The following PGPEP1L variants were observed in gnomAD, a reference collection of about 807,000 sequenced individuals.
The protein encoded by PGPEP1L is pyroglutamyl-peptidase 1-like protein.
Under a neutral mutation model 6.0 loss-of-function variants are expected in PGPEP1L, and 7 were observed. That is an observed-to-expected ratio of 1.17 (90% CI 0.66 to 2.19). PGPEP1L has a LOEUF of 2.19. Among genes scored for constraint, PGPEP1L ranks in the 30% most tolerant of loss-of-function variants. The pLI, the probability that PGPEP1L is intolerant of heterozygous loss-of-function variation, is 0.00. For synonymous variants in PGPEP1L, 103 were observed against 83.9 expected (o/e 1.23, Z -1.24); for missense variants, 209 against 192.5 (o/e 1.09, Z -0.51).
At chr15:98,986,114 G>A (rs2017743032) in intron 2 of PGPEP1L, among the ~76,000 whole-genome samples, 1 of 152,158 alleles carries the variant, frequency 6.6e-6, no homozygotes, top group South Asian at 2.1e-4. Flanking sequence ...ACCCCTATAG[G>A]GAACTGTGGC....
At chr15:98,979,380 G>C (rs912476278) in intron 2 of PGPEP1L, among the ~76,000 whole-genome samples, 1 of 151,938 alleles carries the variant, frequency 6.6e-6, no homozygotes, top group Non-Finnish European at 1.5e-5. Context: ...ATAAAATATG[G>C]TAGGCGATGA....
chr15:98,978,735 T>A (rs1335036559), intron 2 of PGPEP1L, among the ~76,000 whole-genome samples: 2,504 of 130,198 alleles, frequency 0.019, 28 homozygotes, highest in Non-Finnish European at 0.03. Flanking sequence ...TATTTTTTTT[T>A]TTTTTTTTTT....
rs541690037 is a variant in PGPEP1L, at chr15:99,007,778, C to G, written c.-789G>C. On this transcript the variant is annotated 5_prime_UTR_variant, in exon 1 of 5. Transcript: ENST00000535714. ...AAAACTTCCACAGCACAGAAGGCGA[C>G]TCCAGCAAGTTGCTACTGCTACCTG... 1 of 152,368 alleles carries G rather than the reference C, an allele frequency of 6.6e-6. No homozygotes were observed. Among genetic ancestry groups the G allele is most frequent in the Non-Finnish European group, 1.5e-5 (1 of 68,064 alleles). 9.4% of individuals were successfully genotyped at this position (152,368 alleles called of 1,614,324 possible).
intron 2 of PGPEP1L, among the ~76,000 whole-genome samples, chr15:99,002,600 G>T (rs2017989436): frequency 6.6e-6 from 1 of 152,090 alleles, no homozygotes; most frequent in Admixed American, 6.5e-5. Context: ...GCTGGGTAAA[G>T]GGTACAGGGA....
intron 2 of PGPEP1L, among the ~76,000 whole-genome samples, chr15:98,988,280 C>T (rs1361802053): frequency 6.6e-6 from 1 of 152,094 alleles, no homozygotes; most frequent in African/African-American, 2.4e-5. Context: ...TGAGGTCGAC[C>T]TAGGACCCTT....
chr15:98,986,959 G>C (rs2017754913), intron 2 of PGPEP1L, among the ~76,000 whole-genome samples: 1 of 151,920 alleles, frequency 6.6e-6, no homozygotes, highest in Non-Finnish European at 1.5e-5. Context: ...AAGAGGTCAG[G>C]AGATGGAGAC....
chr15:99,007,083 G>A (rs1253113316), intron 1 of PGPEP1L, among the ~76,000 whole-genome samples: 4 of 152,190 alleles, frequency 2.6e-5, no homozygotes, highest in African/African-American at 9.6e-5. Context: ...GGCTTTCTGG[G>A]ATTCTGAACC....
chr15:98,996,094 C>A (rs2017884197), intron 2 of PGPEP1L, among the ~76,000 whole-genome samples: 2 of 152,090 alleles, frequency 1.3e-5, no homozygotes. Context: ...TTTTGTGATT[C>A]TATCTTTAAG....
chr15:98,978,584 G>A (rs2017603752), intron 2 of PGPEP1L, among the ~76,000 whole-genome samples: 3 of 151,628 alleles, frequency 2.0e-5, no homozygotes, highest in African/African-American at 4.8e-5. Context: ...TGTGTAGAAC[G>A]GAAAAGAACT....
At chr15:98,999,799 G>A (rs1168117771) in intron 2 of PGPEP1L, among the ~76,000 whole-genome samples, 2 of 152,258 alleles carry the variant, frequency 1.3e-5, no homozygotes, top group Non-Finnish European at 2.9e-5. Context: ...CAAACAAAAT[G>A]TGGTATAATC....
intron 2 of PGPEP1L, among the ~76,000 whole-genome samples, chr15:99,004,063 TCATC>T (rs781856060): frequency 4.1e-5 from 6 of 147,134 alleles, no homozygotes; most frequent in African/African-American, 1.0e-4. Context: ...CCCTGCCTCT[TCATC>T]CAACACAATT....
At chr15:99,006,777 G>A (rs192621980) in intron 1 of PGPEP1L, among the ~76,000 whole-genome samples, 230 of 150,142 alleles carry the variant, frequency 1.5e-3, no homozygotes, top group African/African-American at 5.1e-3. Flanking sequence ...CACCCTGGGT[G>A]ACAGAGTGAG....
At position 98,968,357 on chromosome 15, in the gene PGPEP1L, A is replaced by T; in HGVS notation, c.*121T>A. On this transcript the variant is annotated 3_prime_UTR_variant, in exon 5 of 5. Coordinates refer to ENST00000535714, the MANE Select transcript of PGPEP1L (RefSeq NM_001167902.2). ...AACCCTTTGTGATTTTGTTGGGCTA[A>T]TTCAGAGTTTTCCACCCTCTTTGTC... The T allele has an allele frequency of 1.0e-6, 1 of 981,756 alleles. No individual in the cohort carries two copies. The highest frequency in any genetic ancestry group is 1.5e-6 in the Non-Finnish European group (1 of 657,752). The allele number at this position is 981,756 out of a possible 1,614,324, so 60.8% of individuals were successfully genotyped here.
intron 2 of PGPEP1L, among the ~76,000 whole-genome samples, chr15:98,971,644 C>G (rs2017499106): frequency 6.6e-6 from 1 of 152,170 alleles, no homozygotes; most frequent in African/African-American, 2.4e-5. Flanking sequence ...CCAGACCTGT[C>G]TTACAAATCT....
intron 2 of PGPEP1L, among the ~76,000 whole-genome samples, chr15:98,997,734 T>G (rs1363083824): frequency 6.6e-6 from 1 of 152,172 alleles, no homozygotes; most frequent in Non-Finnish European, 1.5e-5. Flanking sequence ...TCTGCTTTAT[T>G]ATTCCCTCAT....
At chr15:98,981,654 G>T (rs2017665299) in intron 2 of PGPEP1L, among the ~76,000 whole-genome samples, 1 of 152,056 alleles carries the variant, frequency 6.6e-6, no homozygotes, top group African/African-American at 2.4e-5. Context: ...GGAAACTGAG[G>T]GAACCCAAAT....
chr15:98,977,670 C>A (rs2017590234), intron 2 of PGPEP1L, among the ~76,000 whole-genome samples: 1 of 152,160 alleles, frequency 6.6e-6, no homozygotes, highest in Non-Finnish European at 1.5e-5. Flanking sequence ...GTGGAGTGTT[C>A]TACAAATGTC....
chr15:98,979,727 C>T (rs767646841), intron 2 of PGPEP1L, among the ~76,000 whole-genome samples: 12 of 142,678 alleles, frequency 8.4e-5, no homozygotes, highest in Admixed American at 1.5e-4. Flanking sequence ...CTTGGCTCAC[C>T]GCAACTCTGC....
intron 2 of PGPEP1L, among the ~76,000 whole-genome samples, chr15:99,000,146 G>A (rs1555472828): frequency 6.6e-6 from 1 of 152,264 alleles, no homozygotes; most frequent in African/African-American, 2.4e-5. Context: ...ACTGGGAGTG[G>A]CCGGCCAGCC....
Sources: gnomAD v4.1 joint callset for allele counts (sites outside exome capture counted in the v4.1 genomes callset) on GRCh38, gnomAD v4.1.1 for gene constraint, MANE v1.5 for transcripts, NCBI Gene and HGNC (gene_info 2026-07-23, HGNC 2026-07-21) for gene names.